The following PSMD1 variants were observed in gnomAD, a reference collection of about 807,000 sequenced individuals.
The protein encoded by PSMD1 is 26S proteasome non-ATPase regulatory subunit 1.
PSMD1 carries 18 observed loss-of-function variants against 119.0 expected under a neutral mutation model. The ratio of observed to expected loss-of-function variants is 0.15; its 90% CI spans 0.10 to 0.22. The LOEUF (loss-of-function observed/expected upper bound fraction) is 0.22. PSMD1 is among the 10% of genes least tolerant of loss of function. PSMD1 has a pLI of 1.00. For synonymous variants in PSMD1, 374 were observed against 396.6 expected, an observed-to-expected ratio of 0.94 and a Z score of 0.68; for missense variants, 702 against 1,158.5, an observed-to-expected ratio of 0.61 and a Z score of 5.72.
chr2:231,159,384 T>C (rs1376554825), intron 19 of PSMD1, among the ~76,000 whole-genome samples: 1 of 151,858 alleles, frequency 6.6e-6, no homozygotes, highest in Non-Finnish European at 1.5e-5. Context: ...CAAAATGACC[T>C]AGTGACCCTG....
chr2:231,078,745 TA>T lies in PSMD1; in HGVS notation c.1159del (p.Arg387GlufsTer7). On this transcript the variant is annotated frameshift_variant and splice_region_variant, in exon 10 of 25. Coordinates refer to ENST00000308696, the MANE Select transcript of PSMD1 (RefSeq NM_002807.4). LOFTEE classifies it high-confidence loss of function. ...GTGGGACAACCAGTGACCAGTTTCT[TA>T]GGTAAATATGCTTGTTGATTTTCAC... ...HCGTTSDQFL[R>X]DNLEWLARAT... The T allele has an allele frequency of 6.3e-7, 1 of 1,582,610 alleles. No homozygotes were observed. The highest frequency in any genetic ancestry group is 8.6e-7 in the Non-Finnish European group (1 of 1,165,878).
chr2:231,073,975 CCTT>C (rs1476448688), intron 7 of PSMD1, among the ~76,000 whole-genome samples: 6 of 151,916 alleles, frequency 3.9e-5, no homozygotes, highest in Non-Finnish European at 5.9e-5. Context: ...GCATTTTACT[CCTT>C]CTTTTGTAAT....
At chr2:231,103,180 T>C (rs950087191) in intron 16 of PSMD1, among the ~76,000 whole-genome samples, 1 of 152,216 alleles carries the variant, frequency 6.6e-6, no homozygotes, top group African/African-American at 2.4e-5. Flanking sequence ...GATGGAAATG[T>C]TGAATAAAAC....
intron 16 of PSMD1, among the ~76,000 whole-genome samples, chr2:231,106,429 C>T (rs1488479933): frequency 6.6e-6 from 1 of 152,050 alleles, no homozygotes; most frequent in African/African-American, 2.4e-5. Context: ...ACCAGGCTGA[C>T]CAACACAGCG....
chr2:231,077,016 TTTTG>T lies in PSMD1; in HGVS notation c.943-10_943-7del. ...TACTGTTTATGAGTTTTCATTTTTT[TTTTG>T]TTTGTTTTGGCAGAGTCCAGAGCCT... On this transcript the variant is annotated splice_polypyrimidine_tract_variant and intron_variant, in intron 8 of 24. Transcript: ENST00000308696. 2 of 1,580,638 alleles carry T rather than the reference TTTTG, an allele frequency of 1.3e-6. No individual in the cohort carries two copies. The highest frequency in any genetic ancestry group is 1.2e-5 in the South Asian group (1 of 84,582).
At chr2:231,092,397 G>C (rs547784250) in intron 16 of PSMD1, among the ~76,000 whole-genome samples, 1 of 152,182 alleles carries the variant, frequency 6.6e-6, no homozygotes, top group Admixed American at 6.5e-5. Context: ...ATATGGATGG[G>C]TAGTGCAAAT....
intron 4 of PSMD1, among the ~76,000 whole-genome samples, chr2:231,065,884 A>G (rs1002640769): frequency 6.6e-6 from 1 of 152,224 alleles, no homozygotes. Flanking sequence ...CATTGAGACA[A>G]TAAATAGAGT....
Position 231,172,732 on chromosome 2 carries a change from A to G in PSMD1, c.*207A>G, listed in dbSNP as rs1326372085. ...CTCTTTCACAGAACTTGGTTTTCAAATAAATATAAGATCTCCAGATGGACA... is the reference window on the plus strand; with the variant it reads ...CTCTTTCACAGAACTTGGTTTTCAAGTAAATATAAGATCTCCAGATGGACA... On this transcript the variant is annotated 3_prime_UTR_variant, in exon 25 of 25. Transcript: ENST00000308696. 6.6e-6 allele frequency: 1 copy of G among 152,202 alleles called. No individual in the cohort carries two copies. Among genetic ancestry groups the G allele is most frequent in the African/African-American group, 2.4e-5 (1 of 41,446 alleles). 9.4% of individuals were successfully genotyped at this position (152,202 alleles called of 1,614,324 possible).
intron 21 of PSMD1, 137 bp downstream of exon 21, chr2:231,163,864 G>C (rs1004205823): frequency 3.0e-6 from 2 of 667,586 alleles, no homozygotes; most frequent in Admixed American, 6.0e-5. Flanking sequence ...ACAAGAATAT[G>C]AAGTGAAAGT....
chr2:231,057,175 C>G, intron 1 of PSMD1, 134 bp downstream of exon 1: 1 of 1,129,156 alleles, frequency 8.9e-7, no homozygotes, highest in Non-Finnish European at 1.2e-6. Context: ...CCAGGGCCCA[C>G]CCCCGGGCCG....
chr2:231,119,316 T>C (rs1454193183), intron 16 of PSMD1, among the ~76,000 whole-genome samples: 3 of 152,210 alleles, frequency 2.0e-5, no homozygotes, highest in African/African-American at 7.2e-5. Flanking sequence ...CTAAATCATA[T>C]TTAATTTGCA....
intron 14 of PSMD1, among the ~76,000 whole-genome samples, 180 bp downstream of exon 14, chr2:231,083,943 A>G (rs772834465): frequency 1.3e-5 from 2 of 152,256 alleles, no homozygotes; most frequent in Non-Finnish European, 2.9e-5. Flanking sequence ...TAGAAAAGGT[A>G]CATGGGAGTA....
chr2:231,147,371 G>A lies in PSMD1; in HGVS notation c.2115+1015G>A, dbSNP rs1056614726. 4.6e-5 allele frequency among the ~76,000 whole-genome samples: 7 copies of A among 152,206 alleles called. No individual in the cohort carries two copies. In the South Asian group the frequency reaches 8.3e-4, roughly 18 times the overall value. On this transcript the variant is annotated intron_variant, in intron 18 of 24. Transcript: ENST00000308696. ...GAATTAGCTGGGCATGGTGGCATGC[G>A]CCTGTAGTCCCAGCTATTTGGGAGC...
In PSMD1 at chr2:231,099,443, C is replaced by T. The variant is rs141723828; in HGVS notation, c.1883+12262C>T. 8.7e-4 allele frequency among the ~76,000 whole-genome samples: 133 copies of T among 152,296 alleles called. 1 individual carries two copies. Among genetic ancestry groups the T allele is most frequent in the African/African-American group, 3.0e-3 (123 of 41,568 alleles). On this transcript the variant is annotated intron_variant, in intron 16 of 24. Transcript: ENST00000308696. ...GGTGGGTCCCTGAGTCCAAATAAAA[C>T]AGCAATATTGTTATCATTTGTTGCT... is the stretch of plus-strand genomic sequence containing the variant.
intron 19 of PSMD1, among the ~76,000 whole-genome samples, chr2:231,158,275 A>G (rs1696557394): frequency 6.6e-6 from 1 of 152,106 alleles, no homozygotes; most frequent in Non-Finnish European, 1.5e-5. Flanking sequence ...GTGCCACCGC[A>G]CTGCAGCCTG....
At chr2:231,130,152 A>G (rs2125240739) in intron 16 of PSMD1, among the ~76,000 whole-genome samples, 1 of 152,340 alleles carries the variant, frequency 6.6e-6, no homozygotes, top group Admixed American at 6.5e-5. Context: ...AGTTGTATGA[A>G]CTAGCCAAAG....
chr2:231,138,131 A>T (rs764341867), intron 16 of PSMD1, among the ~76,000 whole-genome samples: 1 of 152,220 alleles, frequency 6.6e-6, no homozygotes, highest in African/African-American at 2.4e-5. Context: ...GGGGTCAGGT[A>T]TACCATTAGT....
At chr2:231,161,607 A>T in intron 20 of PSMD1, 98 bp downstream of exon 20, 1 of 1,227,084 alleles carries the variant, frequency 8.1e-7, no homozygotes, top group South Asian at 1.5e-5. Context: ...AATTTTAAAG[A>T]TGAGTTAACA....
intron 17 of PSMD1, among the ~76,000 whole-genome samples, chr2:231,145,762 A>G (rs1282910965): frequency 6.6e-6 from 1 of 151,810 alleles, no homozygotes; most frequent in African/African-American, 2.4e-5. Context: ...GGGTGGTAGC[A>G]TGCACTTGTA....
Sources: allele counts gnomAD v4.1 joint callset (sites outside exome capture counted in the v4.1 genomes callset), GRCh38; gene constraint gnomAD v4.1.1; transcripts MANE v1.5; gene names NCBI Gene and HGNC (gene_info 2026-07-23, HGNC 2026-07-21).